The following ARL13B variants were observed in gnomAD, a reference collection of about 807,000 sequenced individuals.
The protein encoded by ARL13B is ARF like GTPase 13B, also known as ADP-ribosylation factor-like protein 13B.
In ARL13B, 36 loss-of-function variants were observed where a neutral mutation model predicts 56.1. The ratio of observed to expected loss-of-function variants is 0.64; its 90% confidence interval spans 0.49 to 0.85. The LOEUF is 0.85. Ranked by LOEUF, ARL13B falls within the 40% of genes least tolerant of loss-of-function variation. The pLI is 0.00. For missense variants in ARL13B, 519 were observed against 507.1 expected (o/e 1.02, Z -0.23); for synonymous variants, 178 against 171.1 (o/e 1.04, Z -0.32).
chr3:94,019,437 C>T (rs548902161), intron 3 of ARL13B, among the ~76,000 whole-genome samples: 85 of 152,162 alleles, frequency 5.6e-4, no homozygotes, highest in Non-Finnish European at 9.6e-4. Context: ...CCTCATGATC[C>T]GCCCATCTTG....
At chr3:93,999,685 A>G (rs1018717457) in intron 2 of ARL13B, among the ~76,000 whole-genome samples, 9 of 152,106 alleles carry the variant, frequency 5.9e-5, no homozygotes, top group African/African-American at 1.7e-4. Context: ...TTTTTTCACA[A>G]TAGCTTCTTA....
intron 7 of ARL13B, 62 bp downstream of exon 7, chr3:94,043,302 A>G (rs1576041781): frequency 4.3e-6 from 6 of 1,389,926 alleles, no homozygotes; most frequent in Non-Finnish European, 5.9e-6. Context: ...CTTATACTTC[A>G]TCTCATTTTT....
At chr3:94,032,601 C>T (rs1048262309) in intron 3 of ARL13B, among the ~76,000 whole-genome samples, 1 of 152,056 alleles carries the variant, frequency 6.6e-6, no homozygotes, top group African/African-American at 2.4e-5. Context: ...GGTTCATGCC[C>T]TTCTCCTGCC....
In ARL13B at chr3:94,055,250, T is replaced by C. The variant is rs1452227464; in HGVS notation, c.*1987T>C. On this transcript the variant is annotated 3_prime_UTR_variant, in exon 10 of 10. Coordinates refer to ENST00000394222, the MANE Select transcript of ARL13B (RefSeq NM_001174150.2). The stretch of plus-strand genomic sequence containing the variant: ...TTATTCTTAATTCTGAATTTTGACA[T>C]TTTCACACAATAAAAATAATTTATA... The C allele has an allele frequency of 4.8e-6, 2 of 413,734 alleles. No homozygotes were observed. Among genetic ancestry groups the C allele is most frequent in the Non-Finnish European group, 9.4e-6 (2 of 213,060 alleles). The allele number at this position is 413,734 out of a possible 1,614,324, so 25.6% of individuals were successfully genotyped here.
At chr3:93,983,991 T>C (rs369255882) in intron 1 of ARL13B, among the ~76,000 whole-genome samples, 19 of 152,190 alleles carry the variant, frequency 1.2e-4, no homozygotes, top group African/African-American at 4.3e-4. Flanking sequence ...GAATAGTCAG[T>C]TACCACATAT....
chr3:94,006,085 G>A (rs2076129660), intron 3 of ARL13B, among the ~76,000 whole-genome samples: 1 of 152,106 alleles, frequency 6.6e-6, no homozygotes, highest in Non-Finnish European at 1.5e-5. Context: ...CAGATCACGA[G>A]GTCAGGAGGA....
chr3:94,051,107 A>T (rs902284549), intron 9 of ARL13B, among the ~76,000 whole-genome samples: 5 of 152,156 alleles, frequency 3.3e-5, no homozygotes, highest in Non-Finnish European at 5.9e-5. Context: ...TTACCTTAGA[A>T]TACAGAGGTA....
intron 2 of ARL13B, among the ~76,000 whole-genome samples, chr3:93,997,784 C>T (rs748124334): frequency 3.9e-5 from 6 of 152,104 alleles, no homozygotes; most frequent in Non-Finnish European, 7.3e-5. Flanking sequence ...GACAGGAGTT[C>T]GAGACCAGGC....
intron 1 of ARL13B, among the ~76,000 whole-genome samples, chr3:93,981,886 A>AAAAAAAAAAAAAAC (rs1710238000): frequency 6.8e-6 from 1 of 147,214 alleles, no homozygotes; most frequent in Non-Finnish European, 1.5e-5. Context: ...AAAAAAAAAA[A>AAAAAAAAAAAAAAC]AAAGAAAAAA....
chr3:93,995,626 T>C (rs1355769419), intron 1 of ARL13B, among the ~76,000 whole-genome samples: 7 of 152,196 alleles, frequency 4.6e-5, no homozygotes, highest in African/African-American at 1.2e-4. Context: ...CTCTGTCCTT[T>C]GGATTATCTA....
At chr3:93,981,475 A>G (rs1710211813) in intron 1 of ARL13B, among the ~76,000 whole-genome samples, 1 of 152,240 alleles carries the variant, frequency 6.6e-6, no homozygotes, top group Non-Finnish European at 1.5e-5. Flanking sequence ...AACAGAAAAT[A>G]CATGTCTAGA....
At chr3:94,040,276 C>T (rs1383457061) in intron 6 of ARL13B, among the ~76,000 whole-genome samples, 1 of 152,034 alleles carries the variant, frequency 6.6e-6, no homozygotes, top group Non-Finnish European at 1.5e-5. Flanking sequence ...CAAATCTATT[C>T]TGTCATTTAT....
Position 94,043,225 on chromosome 3 carries a change from C to G in ARL13B, c.1009C>G (p.Pro337Ala). The G allele has an allele frequency of 6.2e-7, 1 of 1,612,590 alleles. No homozygotes were observed. The highest frequency in any genetic ancestry group is 2.2e-5 in the East Asian group (1 of 44,778). Residue 337 changes from proline to alanine, a missense_variant, in exon 7 of 10, where the codon CCA becomes GCA. Pro to Ala is a conservative substitution (Grantham distance 27). Coordinates refer to ENST00000394222, the MANE Select transcript of ARL13B (RefSeq NM_001174150.2). ...QLKNEDETDRPSLESANGKKK... is the reference protein window; with the variant it reads ...QLKNEDETDRASLESANGKKK... The stretch of plus-strand genomic sequence containing the variant: ...AAAGAATGAAGATGAGACAGACCGG[C>G]CATCATTGGAATCAGGTAATAAATC...
intron 3 of ARL13B, among the ~76,000 whole-genome samples, chr3:94,017,037 A>G (rs955865277): frequency 2.6e-5 from 4 of 152,162 alleles, no homozygotes; most frequent in Admixed American, 2.0e-4. Context: ...TGCCAACTCT[A>G]TGCTATTCAG....
At position 94,050,879 on chromosome 3, in the gene ARL13B, A is replaced by G. The variant is rs753995268; in HGVS notation, c.1197A>G (p.Glu399=). 3.7e-6 allele frequency: 6 copies of G among 1,613,130 alleles called. No homozygotes were observed. The East Asian group carries it at 1.1e-4, about 30-fold the overall frequency. Residue 399 remains glutamate (E), a synonymous_variant, in exon 9 of 10, where the codon GAA becomes GAG. Coordinates refer to ENST00000394222, the MANE Select transcript of ARL13B (RefSeq NM_001174150.2). ...TRLPKLEPLG[E]THHNDFYRKP... ...TTCCAAAACTTGAGCCTCTTGGTGAAACACATCATAATGGTAATGCAAAAG... is the reference window on the plus strand; with the variant it reads ...TTCCAAAACTTGAGCCTCTTGGTGAGACACATCATAATGGTAATGCAAAAG...
Position 94,027,068 on chromosome 3 carries a change from A to AT in ARL13B, c.381-8256dup, listed in dbSNP as rs2076572584. On this transcript the variant is annotated intron_variant, in intron 3 of 9. Transcript: ENST00000394222. ...GGATAGATACTTAGTGTATTTATAG[A>AT]TTTTTTTAAAGTAGGCCATTTCTTT... 3.9e-5 allele frequency among the ~76,000 whole-genome samples: 6 copies of AT among 152,194 alleles called. No individual in the cohort carries two copies. The South Asian group carries it at 1.2e-3, about 32-fold the overall frequency.
intron 2 of ARL13B, chr3:93,996,518 T>A: frequency 6.1e-6 from 1 of 163,830 alleles, no homozygotes. Flanking sequence ...GCTAGTCTTC[T>A]TTTTTTTTTT....
chr3:93,982,058 G>A (rs924439674), intron 1 of ARL13B, among the ~76,000 whole-genome samples: 7 of 152,090 alleles, frequency 4.6e-5, no homozygotes, highest in Admixed American at 1.3e-4. Flanking sequence ...TTTCTGTGAA[G>A]GCATGTATAT....
At chr3:93,988,784 GCA>G in intron 1 of ARL13B, 2 of 335,870 alleles carry the variant, frequency 6.0e-6, no homozygotes, top group South Asian at 2.2e-5. Context: ...CCATTTGTTT[GCA>G]TTTTTTTTTT....
Sources: allele counts gnomAD v4.1 joint callset (sites outside exome capture counted in the v4.1 genomes callset), GRCh38; gene constraint gnomAD v4.1.1; transcripts MANE v1.5; gene names NCBI Gene and HGNC (gene_info 2026-07-23, HGNC 2026-07-21).